DMRT3: variants seen among roughly 807,000 people sequenced by gnomAD.
The protein encoded by DMRT3 is doublesex and mab-3 related transcription factor 3, also known as doublesex- and mab-3-related transcription factor 3.
A neutral mutation model predicts 34.9 loss-of-function variants in DMRT3; 29 were observed. That is an observed-to-expected ratio of 0.83 (90% CI 0.62 to 1.13). The LOEUF (loss-of-function observed/expected upper bound fraction) is 1.13, where lower values mean the gene tolerates loss of function less well. Ranked by LOEUF, DMRT3 falls within the 50% of genes most tolerant of loss-of-function variation. The probability of loss-of-function intolerance (pLI) is 0.00; values close to 1 mark genes in which losing one functional copy is unlikely to be tolerated. For missense variants in DMRT3, 772 were observed against 629.1 expected (o/e 1.23, Z -2.43); for synonymous variants, 350 against 286.0 (o/e 1.22, Z -2.26).
Position 990,475 on chromosome 9 carries a change from C to T in DMRT3, c.889C>T (p.Arg297Ter), listed in dbSNP as rs749072728. The change falls in exon 2 of 2, where the codon CGA (arginine) becomes TGA (stop). Residue 297 changes from arginine (R) to a stop codon, truncating the protein, a stop_gained. Transcript: ENST00000190165. LOFTEE classifies it high-confidence loss of function. Reference protein sequence around the residue: ...SSRSSVTGAERTSAEPESLAL... With the variant: ...SSRSSVTGAE The stretch of plus-strand genomic sequence containing the variant: ...CCGATCCTCAGTCACGGGAGCAGAG[C>T]GAACTTCCGCAGAACCTGAGAGTCT... The T allele has an allele frequency of 4.3e-6, 7 of 1,614,034 alleles. No homozygotes were observed. The highest frequency in any genetic ancestry group is 2.2e-5 in the South Asian group (2 of 91,084).
chr9:984,697 T>C (rs985515751), intron 1 of DMRT3, among the ~76,000 whole-genome samples: 4 of 152,182 alleles, frequency 2.6e-5, no homozygotes, highest in Admixed American at 2.6e-4. Context: ...GACCTCGTGA[T>C]CCACCTGCCT....
rs1820365435 is a variant in DMRT3, at chr9:991,686, A to C, written c.*681A>C. The C allele has an allele frequency of 6.5e-6, 1 of 152,678 alleles. No individual in the cohort carries two copies. Among genetic ancestry groups the C allele is most frequent in the African/African-American group, 2.4e-5 (1 of 41,460 alleles). 9.5% of individuals were successfully genotyped at this position (152,678 alleles called of 1,614,324 possible). A position where few individuals can be genotyped will look rare whatever the true frequency, so the allele number is the denominator to read the frequency against. ...CACAAGATTAAGCTTTGTCAGGTTA[A>C]TGTAGCATGTTAAGGACTCTAGAAA... is the stretch of plus-strand genomic sequence containing the variant. On this transcript the variant is annotated 3_prime_UTR_variant, in exon 2 of 2. Coordinates refer to ENST00000190165, the MANE Select transcript of DMRT3 (RefSeq NM_021240.4).
intron 1 of DMRT3, among the ~76,000 whole-genome samples, chr9:981,280 T>C (rs1820217430): frequency 6.6e-6 from 1 of 152,128 alleles, no homozygotes; most frequent in Non-Finnish European, 1.5e-5. Flanking sequence ...TTAATTTTTT[T>C]TTCCCCCAAA....
chr9:991,190 C>A lies in DMRT3; in HGVS notation c.*185C>A. 1 of 703,974 alleles carries A rather than the reference C, an allele frequency of 1.4e-6. No individual in the cohort carries two copies. Among genetic ancestry groups the A allele is most frequent in the Non-Finnish European group, 2.3e-6 (1 of 437,304 alleles). 43.6% of individuals were successfully genotyped at this position (703,974 alleles called of 1,614,324 possible). On this transcript the variant is annotated 3_prime_UTR_variant, in exon 2 of 2. Coordinates refer to ENST00000190165, the MANE Select transcript of DMRT3 (RefSeq NM_021240.4). ...CTTCTTGCACTTCACTGGAAAATGCCAAATAGCTCTGTTCTGTGGCTTTAG... is the reference window on the plus strand; with the variant it reads ...CTTCTTGCACTTCACTGGAAAATGCAAAATAGCTCTGTTCTGTGGCTTTAG...
intron 1 of DMRT3, 32 bp downstream of exon 1, chr9:977,487 G>T: frequency 7.9e-7 from 1 of 1,266,450 alleles, no homozygotes; most frequent in African/African-American, 1.5e-5. Context: ...GAGTTTGGCC[G>T]GGCGCGGGGG....
chr9:990,328 A>T lies in DMRT3; in HGVS notation c.742A>T (p.Asn248Tyr). 6.2e-7 allele frequency: 1 copy of T among 1,613,854 alleles called. No individual in the cohort carries two copies. The highest frequency in any genetic ancestry group is 1.3e-5 in the African/African-American group (1 of 74,972). The change falls in exon 2 of 2, where the codon AAC (asparagine) becomes TAC (tyrosine). Residue 248 changes from asparagine to tyrosine, a missense_variant. Asn to Tyr is a moderately radical substitution (Grantham distance 143). Transcript: ENST00000190165. ...TVSLPFSLKANRPPLEVLKKI... is the reference protein window; with the variant it reads ...TVSLPFSLKAYRPPLEVLKKI... ...TTCTCTGCCCTTCAGCTTGAAAGCCAACAGACCGCCGCTTGAAGTGTTAAA... is the reference window on the plus strand; with the variant it reads ...TTCTCTGCCCTTCAGCTTGAAAGCCTACAGACCGCCGCTTGAAGTGTTAAA...
rs1241780182 is a variant in DMRT3, at chr9:977,036, GCGGC to G, written c.37_40del (p.Gly13ArgfsTer140). On this transcript the variant is annotated frameshift_variant, in exon 1 of 2. Transcript: ENST00000190165. LOFTEE classifies it high-confidence loss of function. Reference sequence around the variant, plus strand: ...TACGGCTCCCCCTACCTGTACATGGGCGGCCCGGTGTCGCAGCCGCCACGGGCGC... The same window carrying G: ...TACGGCTCCCCCTACCTGTACATGGGCCGGTGTCGCAGCCGCCACGGGCGC... 1.9e-6 allele frequency: 3 copies of G among 1,562,168 alleles called. No homozygotes were observed. The highest frequency in any genetic ancestry group is 2.6e-6 in the Non-Finnish European group (3 of 1,156,096).
Position 990,642 on chromosome 9 carries a change from T to TC in DMRT3, c.1059dup (p.Ala355GlyfsTer34). The TC allele has an allele frequency of 1.2e-6, 2 of 1,614,044 alleles. No individual in the cohort carries two copies. ...CCGACTCTAGCAACGTTGTCCCCAG[T>TC]CCCTTGGCTGGGCCTCTGCAGCCCC... On this transcript the variant is annotated frameshift_variant, in exon 2 of 2. Coordinates refer to ENST00000190165, the MANE Select transcript of DMRT3 (RefSeq NM_021240.4). LOFTEE classifies it high-confidence loss of function.
At chr9:977,531 G>A (rs1586681401) in intron 1 of DMRT3, 76 bp downstream of exon 1, 1 of 1,182,024 alleles carries the variant, frequency 8.5e-7, no homozygotes. Flanking sequence ...CTCCACTTGG[G>A]AGGACTGGAG....
intron 1 of DMRT3, 80 bp from the exon 2 acceptor site, chr9:989,961 G>A (rs770851112): frequency 3.9e-6 from 6 of 1,537,042 alleles, no homozygotes; most frequent in Non-Finnish European, 5.2e-6. Flanking sequence ...CAAAAAGCAC[G>A]TGTACAGGTC....
At chr9:977,918 C>G (rs1289788952) in intron 1 of DMRT3, among the ~76,000 whole-genome samples, 1 of 151,592 alleles carries the variant, frequency 6.6e-6, no homozygotes, top group Non-Finnish European at 1.5e-5. Flanking sequence ...GGCCAACACT[C>G]GGCTGAGTCG....
chr9:978,470 G>A (rs571977907), intron 1 of DMRT3, among the ~76,000 whole-genome samples: 54 of 152,344 alleles, frequency 3.5e-4, no homozygotes, highest in Middle Eastern at 3.4e-3. Context: ...GGGCATGCTG[G>A]AATTAGGAGT....
chr9:977,389 G>A lies in DMRT3; in HGVS notation c.388G>A (p.Ala130Thr), dbSNP rs1820165300. ...PPRPAAELAA[A>T]AALRWTAEPQ... ...GCGCCCTGCTGCCGAGTTGGCCGCG[G>A]CCGCCGCGCTGCGTTGGACTGCCGA... The change falls in exon 1 of 2, where the codon GCC becomes ACC. Residue 130 changes from alanine (A) to threonine (T), a missense_variant. Transcript: ENST00000190165. 2 of 1,236,784 alleles carry A rather than the reference G, an allele frequency of 1.6e-6. No individual in the cohort carries two copies. Among genetic ancestry groups the A allele is most frequent in the African/African-American group, 1.5e-5 (1 of 64,902 alleles). The allele number at this position is 1,236,784 out of a possible 1,614,324, so 76.6% of individuals were successfully genotyped here. A position where few individuals can be genotyped will look rare whatever the true frequency, so the allele number is the denominator to read the frequency against.
intron 1 of DMRT3, among the ~76,000 whole-genome samples, chr9:978,592 G>T (rs1327193168): frequency 6.6e-6 from 1 of 152,186 alleles, no homozygotes; most frequent in Non-Finnish European, 1.5e-5. Flanking sequence ...GCTTTCAGGA[G>T]CCCAGGACTG....
chr9:989,135 A>G (rs1490772092), intron 1 of DMRT3, among the ~76,000 whole-genome samples: 1 of 152,222 alleles, frequency 6.6e-6, no homozygotes, highest in East Asian at 1.9e-4. Context: ...GGTATCTTCA[A>G]ATTTCACTGG....
At chr9:986,722 C>T (rs1358036401) in intron 1 of DMRT3, among the ~76,000 whole-genome samples, 1 of 151,996 alleles carries the variant, frequency 6.6e-6, no homozygotes, top group Admixed American at 6.5e-5. Flanking sequence ...GAAACCCTGT[C>T]TCTACTACAA....
intron 1 of DMRT3, among the ~76,000 whole-genome samples, chr9:978,594 C>G (rs1820180134): frequency 6.6e-6 from 1 of 152,132 alleles, no homozygotes; most frequent in South Asian, 2.1e-4. Context: ...TTTCAGGAGC[C>G]CAGGACTGCT....
At chr9:985,040 G>T (rs2130067039) in intron 1 of DMRT3, among the ~76,000 whole-genome samples, 1 of 152,170 alleles carries the variant, frequency 6.6e-6, no homozygotes, top group East Asian at 1.9e-4. Context: ...GTTATCTGTA[G>T]AAAAACTTTT....
At chr9:984,136 T>A (rs1160709017) in intron 1 of DMRT3, among the ~76,000 whole-genome samples, 1 of 152,196 alleles carries the variant, frequency 6.6e-6, no homozygotes, top group Non-Finnish European at 1.5e-5. Context: ...CCTGTAAAAG[T>A]CTCATCCTGC....
Sources: gnomAD v4.1 joint callset for allele counts (sites outside exome capture counted in the v4.1 genomes callset) on GRCh38, gnomAD v4.1.1 for gene constraint, MANE v1.5 for transcripts, NCBI Gene and HGNC (gene_info 2026-07-23, HGNC 2026-07-21) for gene names.